The following SMYD3 variants were observed in gnomAD, a reference collection of about 807,000 sequenced individuals.
SMYD3 encodes histone-lysine N-methyltransferase SMYD3.
In SMYD3, 36 loss-of-function variants were observed where a neutral mutation model predicts 57.7. The observed-to-expected ratio is 0.62, with a 90% CI of 0.48 to 0.82. SMYD3 has a LOEUF of 0.82. Ranked by LOEUF, SMYD3 falls within the 40% of genes least tolerant of loss-of-function variation. The pLI is 0.00. For synonymous variants in SMYD3, 211 were observed against 195.0 expected (o/e 1.08, Z -0.68); for missense variants, 515 against 538.8 (o/e 0.96, Z 0.44).
intron 10 of SMYD3, among the ~76,000 whole-genome samples, chr1:245,779,706 A>G (rs1441935249): frequency 6.6e-6 from 1 of 152,248 alleles, no homozygotes; most frequent in Non-Finnish European, 1.5e-5. Context: ...GCTAAAATCA[A>G]ACAAACTATC....
At chr1:246,303,865 T>A (rs2064936153) in intron 5 of SMYD3, among the ~76,000 whole-genome samples, 1 of 152,158 alleles carries the variant, frequency 6.6e-6, no homozygotes, top group Non-Finnish European at 1.5e-5. Flanking sequence ...GACAGATGCA[T>A]CCCAGTGATA....
chr1:246,454,964 A>G (rs2067680942), intron 1 of SMYD3, among the ~76,000 whole-genome samples: 1 of 152,206 alleles, frequency 6.6e-6, no homozygotes. Context: ...CATCCCTTAG[A>G]TAACCCACTC....
At chr1:245,944,614 A>G (rs187238124) in intron 5 of SMYD3, among the ~76,000 whole-genome samples, 301 of 152,320 alleles carry the variant, frequency 2.0e-3, no homozygotes, top group Non-Finnish European at 3.6e-3. Flanking sequence ...TACCATTGAC[A>G]TTATTCACAG....
intron 5 of SMYD3, among the ~76,000 whole-genome samples, chr1:245,995,190 T>G (rs2058900562): frequency 6.6e-6 from 1 of 152,254 alleles, no homozygotes; most frequent in African/African-American, 2.4e-5. Flanking sequence ...TAATGTCCAG[T>G]AAACAAATTG....
intron 8 of SMYD3, among the ~76,000 whole-genome samples, chr1:245,876,464 C>T (rs776121300): frequency 6.6e-6 from 1 of 152,230 alleles, no homozygotes; most frequent in Non-Finnish European, 1.5e-5. Context: ...CGAATCTCTG[C>T]GATCATGCTG....
At chr1:246,288,015 T>G (rs2064605941) in intron 5 of SMYD3, among the ~76,000 whole-genome samples, 1 of 147,318 alleles carries the variant, frequency 6.8e-6, no homozygotes, top group Non-Finnish European at 1.5e-5. Context: ...TGGTCTGGGC[T>G]CAGGAACTCA....
chr1:246,008,719 T>C (rs551325382), intron 5 of SMYD3, among the ~76,000 whole-genome samples: 27 of 152,264 alleles, frequency 1.8e-4, no homozygotes, highest in Non-Finnish European at 3.7e-4. Flanking sequence ...CACACAAAGC[T>C]TGGTGCTGGC....
chr1:245,793,716 G>C (rs1475105789), intron 10 of SMYD3, among the ~76,000 whole-genome samples: 1 of 151,750 alleles, frequency 6.6e-6, no homozygotes, highest in Non-Finnish European at 1.5e-5. Flanking sequence ...CATCCATATA[G>C]CTATTTTCTG....
In SMYD3 at chr1:245,773,580, C is replaced by T. The variant is rs1447638300; in HGVS notation, c.1077-9431G>A. Among the ~76,000 whole-genome samples, 7 of 152,260 alleles carry T rather than the reference C, an allele frequency of 4.6e-5. No individual in the cohort carries two copies. In the East Asian group the frequency reaches 1.2e-3, roughly 25 times the overall value. On this transcript the variant is annotated intron_variant, in intron 10 of 11. Transcript: ENST00000490107. ...CTTCCAGGCAGGCAGGACAGTCCTC[C>T]ACTTCATGTAAACAGTTTCCTCTTG...
In SMYD3 at chr1:246,107,249, T is replaced by C. The variant is rs1019222181; in HGVS notation, c.532-177312A>G. Among the ~76,000 whole-genome samples the C allele has an allele frequency of 4.0e-5, 6 of 151,022 alleles. 1 individual carries two copies. The South Asian group carries it at 6.3e-4, about 16-fold the overall frequency. ...TTGCAGTGAGCCGAGATTGCGCCAC[T>C]GCACTCCAGCCTGGGTGACAGAGCA... On this transcript the variant is annotated intron_variant, in intron 5 of 11. Coordinates refer to ENST00000490107, the MANE Select transcript of SMYD3 (RefSeq NM_001167740.2).
At chr1:245,898,430 AG>A (rs1260453610) in intron 8 of SMYD3, among the ~76,000 whole-genome samples, 1 of 152,222 alleles carries the variant, frequency 6.6e-6, no homozygotes, top group Non-Finnish European at 1.5e-5. Flanking sequence ...AGGGAACAAA[AG>A]CAGGTTGAAT....
chr1:246,306,783 G>A lies in SMYD3; in HGVS notation c.531+20418C>T, dbSNP rs75502750. The stretch of plus-strand genomic sequence containing the variant: ...TCATTACAGAACAAAACAGTCACAA[G>A]TTTACTAATCCTAAATGACTTGGCA... On this transcript the variant is annotated intron_variant, in intron 5 of 11. Coordinates refer to ENST00000490107, the MANE Select transcript of SMYD3 (RefSeq NM_001167740.2). 8.2e-3 allele frequency among the ~76,000 whole-genome samples: 1,248 copies of A among 152,298 alleles called. 18 individuals are homozygous for A. The highest frequency in any genetic ancestry group is 0.028 in the African/African-American group (1,155 of 41,546).
chr1:245,890,689 A>G (rs779835360), intron 8 of SMYD3, among the ~76,000 whole-genome samples: 1 of 152,202 alleles, frequency 6.6e-6, no homozygotes, highest in Admixed American at 6.5e-5. Flanking sequence ...CTAAAATAGA[A>G]CTACCATTGA....
chr1:246,281,053 T>A (rs567747275), intron 5 of SMYD3, among the ~76,000 whole-genome samples: 1 of 152,338 alleles, frequency 6.6e-6, no homozygotes, highest in South Asian at 2.1e-4. Context: ...CATTTACAGA[T>A]TTCTCAAAGA....
chr1:246,060,966 G>A (rs769762953), intron 5 of SMYD3, among the ~76,000 whole-genome samples: 5 of 152,154 alleles, frequency 3.3e-5, no homozygotes, highest in Non-Finnish European at 7.3e-5. Flanking sequence ...GGTGGCTCAC[G>A]CCTCTAATCT....
At chr1:246,008,739 GGTTTC>G (rs1350099471) in intron 5 of SMYD3, among the ~76,000 whole-genome samples, 38 of 152,206 alleles carry the variant, frequency 2.5e-4, no homozygotes, top group African/African-American at 7.0e-4. Flanking sequence ...CAATTTTCTC[GGTTTC>G]GTTTTTTCAT....
intron 5 of SMYD3, among the ~76,000 whole-genome samples, chr1:246,100,318 G>T (rs540419555): frequency 3.9e-5 from 6 of 152,338 alleles, no homozygotes; most frequent in Admixed American, 3.9e-4. Flanking sequence ...GAAAAGCCAG[G>T]TAGGTAGTGA....
intron 5 of SMYD3, among the ~76,000 whole-genome samples, chr1:245,943,888 CAT>C (rs760286328): frequency 5.3e-5 from 8 of 152,180 alleles, no homozygotes; most frequent in Non-Finnish European, 8.8e-5. Flanking sequence ...ACAAAAACCA[CAT>C]GATTATCTCA....
chr1:245,870,883 A>T (rs1464802094), intron 8 of SMYD3, among the ~76,000 whole-genome samples: 1 of 152,090 alleles, frequency 6.6e-6, no homozygotes, highest in Non-Finnish European at 1.5e-5. Context: ...ACTTGAACAG[A>T]TGTGTTCACT....
Sources: allele counts gnomAD v4.1 joint callset (sites outside exome capture counted in the v4.1 genomes callset), GRCh38; gene constraint gnomAD v4.1.1; transcripts MANE v1.5; gene names NCBI Gene and HGNC (gene_info 2026-07-23, HGNC 2026-07-21).